The following GABRB1 variants were observed in gnomAD, a reference collection of about 807,000 sequenced individuals.
GABRB1 encodes gamma-aminobutyric acid receptor subunit beta-1.
In GABRB1, 17 loss-of-function variants were observed where a neutral mutation model predicts 51.6. That is an observed-to-expected ratio of 0.33 (90% CI 0.23 to 0.49). The LOEUF (loss-of-function observed/expected upper bound fraction) is 0.49, where lower values mean the gene tolerates loss of function less well. Ranked by LOEUF, GABRB1 falls within the 20% of genes least tolerant of loss-of-function variation. GABRB1 has a pLI of 0.99. For missense variants in GABRB1, 410 were observed against 600.6 expected, an observed-to-expected ratio of 0.68 and a Z score of 3.32; for synonymous variants, 247 against 218.9, an observed-to-expected ratio of 1.13 and a Z score of -1.14.
At chr4:47,216,664 C>T (rs917563877) in intron 4 of GABRB1, among the ~76,000 whole-genome samples, 1 of 151,908 alleles carries the variant, frequency 6.6e-6, no homozygotes, top group Non-Finnish European at 1.5e-5. Flanking sequence ...AGGTCAACAA[C>T]TTTGCTAGTA....
intron 5 of GABRB1, among the ~76,000 whole-genome samples, chr4:47,379,098 C>G (rs1288615149): frequency 6.6e-6 from 1 of 152,126 alleles, no homozygotes; most frequent in African/African-American, 2.4e-5. Context: ...TGCCAATTCC[C>G]ATAGTGCCTG....
chr4:47,345,220 A>C (rs946345620), intron 5 of GABRB1, among the ~76,000 whole-genome samples: 1 of 152,210 alleles, frequency 6.6e-6, no homozygotes, highest in Non-Finnish European at 1.5e-5. Context: ...TAATCCATTC[A>C]ACAAGTACTT....
intron 3 of GABRB1, among the ~76,000 whole-genome samples, chr4:47,132,489 G>C (rs1268680669): frequency 6.6e-6 from 1 of 152,034 alleles, no homozygotes; most frequent in Non-Finnish European, 1.5e-5. Context: ...ATTTTTAGAG[G>C]ATAGGATTTG....
At chr4:47,124,075 A>C (rs1170090692) in intron 3 of GABRB1, among the ~76,000 whole-genome samples, 1 of 148,192 alleles carries the variant, frequency 6.7e-6, no homozygotes, top group East Asian at 2.0e-4. Flanking sequence ...ATACATCTGC[A>C]GTCATAAAGG....
At chr4:47,089,368 T>A (rs1362671739) in intron 3 of GABRB1, among the ~76,000 whole-genome samples, 1 of 152,198 alleles carries the variant, frequency 6.6e-6, no homozygotes, top group African/African-American at 2.4e-5. Flanking sequence ...AGGCAATGTA[T>A]TCTAGTCCAG....
At chr4:47,255,637 A>C (rs2109869993) in intron 4 of GABRB1, among the ~76,000 whole-genome samples, 1 of 152,358 alleles carries the variant, frequency 6.6e-6, no homozygotes, top group Middle Eastern at 3.4e-3. Flanking sequence ...CCTAAGACAA[A>C]GAGGCATGCC....
intron 8 of GABRB1, among the ~76,000 whole-genome samples, chr4:47,414,934 A>T (rs1479038496): frequency 1.3e-5 from 2 of 152,194 alleles, no homozygotes; most frequent in East Asian, 3.9e-4. Flanking sequence ...CCTGCCTTTG[A>T]TGAAACTTTC....
chr4:47,128,933 T>C (rs931822780), intron 3 of GABRB1, among the ~76,000 whole-genome samples: 2 of 152,086 alleles, frequency 1.3e-5, no homozygotes, highest in African/African-American at 4.8e-5. Context: ...GTTGAACAAG[T>C]AGTGACCTAC....
chr4:47,026,063 G>A (rs1371284303), intron 1 of GABRB1, among the ~76,000 whole-genome samples: 1 of 151,936 alleles, frequency 6.6e-6, no homozygotes. Context: ...GGCCGCAATG[G>A]CAGCTACTCT....
chr4:47,076,602 G>A (rs972985708), intron 3 of GABRB1, among the ~76,000 whole-genome samples: 2 of 151,964 alleles, frequency 1.3e-5, no homozygotes, highest in African/African-American at 4.8e-5. Flanking sequence ...TCTTGCCTGA[G>A]AGGTTACCCA....
chr4:47,038,335 T>A (rs1725686913), intron 3 of GABRB1, among the ~76,000 whole-genome samples: 3 of 152,154 alleles, frequency 2.0e-5, no homozygotes, highest in South Asian at 4.1e-4. Flanking sequence ...CTTAAACACA[T>A]TCACAAAGAC....
At chr4:47,026,682 C>A (rs1383617249), upstream of GABRB1, among the ~76,000 whole-genome samples, 1 of 152,002 alleles carries the variant, frequency 6.6e-6, no homozygotes, top group East Asian at 1.9e-4. Flanking sequence ...ACTTGGATAG[C>A]ATGGTCTTCT....
chr4:46,995,835 A>G (rs1309075982), intron 1 of GABRB1, among the ~76,000 whole-genome samples: 1 of 152,184 alleles, frequency 6.6e-6, no homozygotes, highest in African/African-American at 2.4e-5. Flanking sequence ...AAATCTGTGA[A>G]ACTATTATAT....
intron 5 of GABRB1, among the ~76,000 whole-genome samples, chr4:47,356,104 A>G (rs1253187857): frequency 6.6e-6 from 1 of 152,210 alleles, no homozygotes; most frequent in African/African-American, 2.4e-5. Context: ...GAATGAATTA[A>G]TTGGATGGAT....
chr4:47,092,871 C>T (rs1714151392), intron 3 of GABRB1, among the ~76,000 whole-genome samples: 1 of 152,088 alleles, frequency 6.6e-6, no homozygotes, highest in African/African-American at 2.4e-5. Context: ...CTTCGGCCTC[C>T]CAGAGTGTTG....
chr4:47,407,009 A>G, intron 8 of GABRB1, 83 bp downstream of exon 8: 3 of 1,306,496 alleles, frequency 2.3e-6, no homozygotes, highest in Non-Finnish European at 3.2e-6. Flanking sequence ...CTTAAAAACG[A>G]TTAATAAAAA....
In GABRB1 at chr4:47,248,700, T is replaced by C. The variant is rs565388082; in HGVS notation, c.462-71427T>C. Among the ~76,000 whole-genome samples the C allele has an allele frequency of 8.5e-5, 13 of 152,238 alleles. 1 individual carries two copies. In the South Asian group the frequency reaches 2.7e-3, roughly 32 times the overall value. On this transcript the variant is annotated intron_variant, in intron 4 of 8. Transcript: ENST00000295454. ...AATCTCACTGCTTGTTATTGGTCTG[T>C]TCAGGGTGTCTAATTTTCCCTGATT... is the stretch of plus-strand genomic sequence containing the variant.
chr4:47,000,196 A>T (rs1257886689), intron 1 of GABRB1, among the ~76,000 whole-genome samples: 4 of 152,232 alleles, frequency 2.6e-5, no homozygotes, highest in African/African-American at 4.8e-5. Context: ...ACTTAAAAAA[A>T]CCATTATGCA....
chr4:47,178,926 T>G (rs974720171), intron 4 of GABRB1, among the ~76,000 whole-genome samples: 2 of 152,020 alleles, frequency 1.3e-5, no homozygotes, highest in African/African-American at 4.8e-5. Context: ...TGGCAAGAAA[T>G]GTAACATGTT....
Sources: allele counts gnomAD v4.1 joint callset (sites outside exome capture counted in the v4.1 genomes callset), GRCh38; gene constraint gnomAD v4.1.1; transcripts MANE v1.5; gene names NCBI Gene and HGNC (gene_info 2026-07-23, HGNC 2026-07-21).